Variants in CCDC9 observed in about 807,000 individuals in gnomAD.
The protein encoded by CCDC9 is coiled-coil domain containing 9.
A neutral mutation model predicts 65.6 loss-of-function variants in CCDC9; 52 were observed. The ratio of observed to expected loss-of-function variants is 0.79; its 90% CI spans 0.63 to 1.00. The LOEUF is 1.00. CCDC9 is among the 50% of genes least tolerant of loss of function. The pLI, the probability that CCDC9 is intolerant of heterozygous loss-of-function variation, is 0.00. For missense variants in CCDC9, 834 were observed against 757.2 expected (o/e 1.10, Z -1.19); for synonymous variants, 332 against 280.3 (o/e 1.18, Z -1.84).
At chr19:47,261,756 G>A (rs1600279558) in intron 5 of CCDC9, among the ~76,000 whole-genome samples, 1 of 145,896 alleles carries the variant, frequency 6.9e-6, no homozygotes, top group Non-Finnish European at 1.5e-5. Flanking sequence ...GGTGGCTCAC[G>A]AGGCCTGTAA....
At chr19:47,256,984 G>A (rs1026945548) in intron 1 of CCDC9, among the ~76,000 whole-genome samples, 1 of 151,022 alleles carries the variant, frequency 6.6e-6, no homozygotes, top group African/African-American at 2.4e-5. Context: ...TGGCCGGGAC[G>A]TTGGGGGCGG....
chr19:47,275,557 A>C, downstream of CCDC9: 1 of 634,724 alleles, frequency 1.6e-6, no homozygotes, highest in Non-Finnish European at 2.6e-6. Flanking sequence ...CGGGTCCTCC[A>C]CCATCAGGAA....
intron 5 of CCDC9, among the ~76,000 whole-genome samples, 166 bp from the exon 6 acceptor site, chr19:47,264,437 G>C (rs1329824090): frequency 6.6e-6 from 1 of 152,246 alleles, no homozygotes; most frequent in Non-Finnish European, 1.5e-5. Flanking sequence ...TGGCCAGCCA[G>C]CCTCATCAGT....
At chr19:47,273,508 C>A, downstream of CCDC9, 1 of 550,188 alleles carries the variant, frequency 1.8e-6, no homozygotes, top group Non-Finnish European at 2.7e-6. Flanking sequence ...AACCTCCCAC[C>A]GCCTCGCTCC....
chr19:47,275,688 C>T, downstream of CCDC9: 2 of 353,202 alleles, frequency 5.7e-6, no homozygotes, highest in East Asian at 5.6e-5. Flanking sequence ...ACGACAGCCT[C>T]GGCTGCCTCG....
downstream of CCDC9, among the ~76,000 whole-genome samples, chr19:47,272,872 A>G (rs935027236): frequency 6.6e-6 from 1 of 152,186 alleles, no homozygotes; most frequent in Non-Finnish European, 1.5e-5. Context: ...CGTAGGAGTA[A>G]GATTTCGAAT....
At chr19:47,272,416 G>C (rs2059129811), downstream of CCDC9, among the ~76,000 whole-genome samples, 1 of 152,148 alleles carries the variant, frequency 6.6e-6, no homozygotes, top group Non-Finnish European at 1.5e-5. Context: ...TTAAGGAAAG[G>C]ATTAGAATTT....
intron 8 of CCDC9, 149 bp from the exon 9 acceptor site, chr19:47,270,258 C>T: frequency 1.3e-6 from 1 of 741,102 alleles, no homozygotes. Flanking sequence ...CTTGAGCCAC[C>T]ATGCCCGGCC....
chr19:47,267,244 G>A lies in CCDC9; in HGVS notation c.902+452G>A, dbSNP rs567915429. Among the ~76,000 whole-genome samples the A allele has an allele frequency of 7.2e-5, 11 of 151,778 alleles. No homozygotes were observed. In the South Asian group the frequency reaches 1.0e-3, roughly 14 times the overall value. On this transcript the variant is annotated intron_variant, in intron 8 of 11. Coordinates refer to ENST00000221922, the MANE Select transcript of CCDC9 (RefSeq NM_015603.3). ...CTCCCAAAGTGCTGAGATTACAGGCGTGAGCCACCGCGCGCGGCCGAGCAT... is the reference window on the plus strand; with the variant it reads ...CTCCCAAAGTGCTGAGATTACAGGCATGAGCCACCGCGCGCGGCCGAGCAT...
chr19:47,260,269 G>A (rs534210944), intron 3 of CCDC9, 52 bp from the exon 4 acceptor site: 221 of 1,350,916 alleles, frequency 1.6e-4, no homozygotes, highest in East Asian at 5.7e-4. Context: ...CTGGGAGTCC[G>A]TCTGGCAGAC....
intron 5 of CCDC9, 97 bp downstream of exon 5, chr19:47,260,936 A>G: frequency 1.5e-6 from 2 of 1,342,410 alleles, no homozygotes; most frequent in South Asian, 2.8e-5. Context: ...CTGTGTGTCC[A>G]TCTTTCAGTA....
downstream of CCDC9, chr19:47,274,501 A>C: frequency 1.9e-5 from 3 of 155,708 alleles, no homozygotes; most frequent in Non-Finnish European, 2.8e-5. Flanking sequence ...TCCGACAGGT[A>C]GAGAAGTGAG....
rs1568636013 is a variant in CCDC9, at chr19:47,260,304, CGGCTGTCTGCTCCTAGGAGATTGA to C, written c.109-14_118del. Reference sequence around the variant, plus strand: ...CAGGGCACCTGATGCTTCCCTACCCCGGCTGTCTGCTCCTAGGAGATTGAGGAAGACCGTAAGAAAGCTGAACTT... The same window carrying C: ...CAGGGCACCTGATGCTTCCCTACCCCGGAAGACCGTAAGAAAGCTGAACTT... On this transcript the variant is annotated splice_acceptor_variant and splice_polypyrimidine_tract_variant and coding_sequence_variant and intron_variant, in exon 4 of 12. Transcript: ENST00000221922. LOFTEE classifies it high-confidence loss of function. The C allele has an allele frequency of 1.3e-6, 2 of 1,550,298 alleles. No homozygotes were observed. Among genetic ancestry groups the C allele is most frequent in the Non-Finnish European group, 1.8e-6 (2 of 1,141,306 alleles).
chr19:47,264,859 C>T lies in CCDC9; in HGVS notation c.633C>T (p.Asp211=), dbSNP rs1214249090. ...GGCCCCTGGAGGAGTCTGAGCGGGA[C>T]CGCCGGGAGGAGAGCCGCCGGCACG... is the stretch of plus-strand genomic sequence containing the variant. ...RSGPLEESER[D]RREESRRHGR... The change falls in exon 7 of 12, where the codon GAC becomes GAT. Residue 211 remains aspartate (D), a synonymous_variant. Transcript: ENST00000221922. 1.3e-6 allele frequency: 2 copies of T among 1,506,766 alleles called. No individual in the cohort carries two copies. Among genetic ancestry groups the T allele is most frequent in the Admixed American group, 2.3e-5 (1 of 43,320 alleles). The allele number at this position is 1,506,766 out of a possible 1,614,324, so 93.3% of individuals were successfully genotyped here.
chr19:47,271,145 G>A lies in CCDC9; in HGVS notation c.1149G>A (p.Gln383=), dbSNP rs35475306. 5 of 1,588,738 alleles carry A rather than the reference G, an allele frequency of 3.1e-6. No homozygotes were observed. The African/African-American group carries it at 6.8e-5, about 22-fold the overall frequency. ...CATCCCCAGCCCCTGAGACTCCACA[G>A]CCTACTTCCCCCGAGACTTCCCCCA... The part of the protein sequence containing the change: ...GAASPAPETP[Q]PTSPETSPKE... The change falls in exon 11 of 12, where the codon CAG becomes CAA. Residue 383 remains glutamine (Q), a synonymous_variant. Transcript: ENST00000221922.
chr19:47,268,298 A>G (rs755872804), intron 8 of CCDC9, among the ~76,000 whole-genome samples: 1 of 152,186 alleles, frequency 6.6e-6, no homozygotes, highest in Non-Finnish European at 1.5e-5. Context: ...GAGCCGATAA[A>G]TAGCAGTATT....
chr19:47,271,304 C>A lies in CCDC9; in HGVS notation c.1222C>A (p.Pro408Thr). Reference sequence around the variant, plus strand: ...CGAGATCCCAGCTCCTGCCCACCGGCCTCCTGAAGACGAGGGGGAAGAGAA... The same window carrying A: ...CGAGATCCCAGCTCCTGCCCACCGGACTCCTGAAGACGAGGGGGAAGAGAA... ...PPEIPAPAHR[P>T]PEDEGEENEG... is the part of the protein sequence containing the mutation. The change falls in exon 12 of 12, where the codon CCT becomes ACT. Residue 408 changes from proline to threonine, a missense_variant. Physicochemically the swap from Pro to Thr is conservative, Grantham distance 38. Transcript: ENST00000221922. 1.2e-6 allele frequency: 2 copies of A among 1,612,570 alleles called. No homozygotes were observed. The highest frequency in any genetic ancestry group is 1.7e-6 in the Non-Finnish European group (2 of 1,179,342).
chr19:47,271,349 G>A lies in CCDC9; in HGVS notation c.1267G>A (p.Glu423Lys). 1.9e-6 allele frequency: 3 copies of A among 1,613,434 alleles called. No individual in the cohort carries two copies. The highest frequency in any genetic ancestry group is 2.5e-6 in the Non-Finnish European group (3 of 1,179,620). ...AGAGAATGAGGGGGAAGAGGATGAA[G>A]AATGGGAGGACATAAGTGAGGATGA... ...GEENEGEEDE[E>K]WEDISEDEEE... The change falls in exon 12 of 12, where the codon GAA becomes AAA. Residue 423 changes from glutamate (E) to lysine (K), a missense_variant. Coordinates refer to ENST00000221922, the MANE Select transcript of CCDC9 (RefSeq NM_015603.3).
intron 1 of CCDC9, chr19:47,257,948 G>C (rs1423239281): frequency 1.1e-5 from 2 of 189,970 alleles, no homozygotes; most frequent in African/African-American, 4.7e-5. Context: ...GGTTGGAGGG[G>C]TTGTAGTTGG....
Sources: allele counts gnomAD v4.1 joint callset (sites outside exome capture counted in the v4.1 genomes callset), GRCh38; gene constraint gnomAD v4.1.1; transcripts MANE v1.5; gene names NCBI Gene and HGNC (gene_info 2026-07-23, HGNC 2026-07-21).